NUP155: variants seen among roughly 807,000 people sequenced by gnomAD.
NUP155 encodes nuclear pore complex protein Nup155.
In NUP155, 71 loss-of-function variants were observed where a neutral mutation model predicts 180.4. The ratio of observed to expected loss-of-function variants is 0.39; its 90% CI spans 0.33 to 0.48. NUP155 has a LOEUF of 0.48. Ranked by LOEUF, NUP155 falls within the 20% of genes least tolerant of loss-of-function variation. The pLI is 0.91. For missense variants in NUP155, 1,553 were observed against 1,648.9 expected, an observed-to-expected ratio of 0.94 and a Z score of 1.01; for synonymous variants, 582 against 559.5, an observed-to-expected ratio of 1.04 and a Z score of -0.57.
chr5:37,352,447 A>G (rs1261600430), intron 5 of NUP155, among the ~76,000 whole-genome samples: 1 of 152,196 alleles, frequency 6.6e-6, no homozygotes, highest in Non-Finnish European at 1.5e-5. Context: ...CTGAAGCAGG[A>G]GAATCACTTG....
chr5:37,306,658 G>A (rs1743173312), intron 25 of NUP155, among the ~76,000 whole-genome samples: 1 of 151,720 alleles, frequency 6.6e-6, no homozygotes, highest in African/African-American at 2.4e-5. Context: ...GTAGAGACAG[G>A]GTTTCACTAT....
At chr5:37,355,179 CA>C (rs35058672) in intron 4 of NUP155, among the ~76,000 whole-genome samples, 2 of 151,868 alleles carry the variant, frequency 1.3e-5, no homozygotes, top group Non-Finnish European at 2.9e-5. Flanking sequence ...TTAGGCCTTG[CA>C]AAAAAGTAAT....
At chr5:37,337,985 T>C in intron 11 of NUP155, 67 bp from the exon 12 acceptor site, 1 of 1,025,012 alleles carries the variant, frequency 9.8e-7, no homozygotes, top group African/African-American at 1.6e-5. Context: ...ACCTTAATAA[T>C]TATTAGGTTA....
At chr5:37,318,166 AT>A in intron 20 of NUP155, 81 bp from the exon 21 acceptor site, 1 of 898,342 alleles carries the variant, frequency 1.1e-6, no homozygotes, top group Non-Finnish European at 1.9e-6. Flanking sequence ...CAAACATTTA[AT>A]ATGTTTACTT....
chr5:37,359,573 A>G (rs1417873754), intron 3 of NUP155, among the ~76,000 whole-genome samples: 3 of 152,170 alleles, frequency 2.0e-5, no homozygotes, highest in African/African-American at 7.2e-5. Context: ...TCCCCATATA[A>G]TAAAGATCTG....
At chr5:37,347,876 C>T (rs1315195994) in intron 9 of NUP155, among the ~76,000 whole-genome samples, 2 of 152,028 alleles carry the variant, frequency 1.3e-5, no homozygotes, top group Non-Finnish European at 2.9e-5. Context: ...GTGGCTCATG[C>T]CTGTAATCCC....
intron 32 of NUP155, among the ~76,000 whole-genome samples, chr5:37,297,580 A>G (rs774718613): frequency 1.3e-5 from 2 of 148,922 alleles, no homozygotes; most frequent in Non-Finnish European, 3.0e-5. Context: ...GGGTTTTGCC[A>G]TGTTGCCCAG....
At position 37,327,634 on chromosome 5, in the gene NUP155, G is replaced by T; in HGVS notation, c.2019C>A (p.Ile673=). The T allele has an allele frequency of 6.2e-7, 1 of 1,614,008 alleles. No homozygotes were observed. The highest frequency in any genetic ancestry group is 8.5e-7 in the Non-Finnish European group (1 of 1,179,958). Residue 673 remains isoleucine, a synonymous_variant, in exon 18 of 35, where the codon ATC becomes ATA. Coordinates refer to ENST00000231498, the MANE Select transcript of NUP155 (RefSeq NM_153485.3). ...HNGICIYFSR[I]MGNIWDASLV... Reference sequence around the variant, plus strand: ...TTATTTCATGACAAACTTACCCCATGATCCGAGAAAAGTAAATGCAAATAC... The same window carrying T: ...TTATTTCATGACAAACTTACCCCATTATCCGAGAAAAGTAAATGCAAATAC...
At chr5:37,315,995 T>C in intron 21 of NUP155, among the ~76,000 whole-genome samples, 1 of 152,162 alleles carries the variant, frequency 6.6e-6, no homozygotes. Context: ...TATGAAACAG[T>C]ATGGCAGTTC....
At chr5:37,327,421 T>C (rs533027556) in intron 18 of NUP155, among the ~76,000 whole-genome samples, 2 of 152,202 alleles carry the variant, frequency 1.3e-5, no homozygotes, top group East Asian at 3.9e-4. Flanking sequence ...CAAAAATAGA[T>C]TATGAGAGAG....
In NUP155 at chr5:37,291,030, CAACAT is replaced by C. The variant is rs1742209099; in HGVS notation, c.*865_*869del. 1 of 152,162 alleles carries C rather than the reference CAACAT, an allele frequency of 6.6e-6. No homozygotes were observed. The highest frequency in any genetic ancestry group is 2.4e-5 in the African/African-American group (1 of 41,422). 9.4% of individuals were successfully genotyped at this position (152,162 alleles called of 1,614,324 possible). ...CCTCCCTGTGTAGGTTTTCAGGACA[CAACAT>C]TAGTTACAAGTTTTATCACCTGCTC... is the stretch of plus-strand genomic sequence containing the variant. On this transcript the variant is annotated 3_prime_UTR_variant, in exon 35 of 35. Transcript: ENST00000231498.
At position 37,348,522 on chromosome 5, in the gene NUP155, A is replaced by G; in HGVS notation, c.978T>C (p.Ala326=). The change falls in exon 9 of 35, where the codon GCT becomes GCC. Residue 326 remains alanine (A), a synonymous_variant. Transcript: ENST00000231498. ...ASVSQNAIVS[A]AGNIARTIDR... ...CATGTTACCTAGCAATGTTACCAGC[A>G]GCAGAGACAATGGCATTCTGTGACA... The G allele has an allele frequency of 6.2e-7, 1 of 1,608,456 alleles. No homozygotes were observed. The highest frequency in any genetic ancestry group is 8.5e-7 in the Non-Finnish European group (1 of 1,174,878).
intron 9 of NUP155, among the ~76,000 whole-genome samples, chr5:37,345,349 A>G (rs903330536): frequency 1.3e-5 from 2 of 151,818 alleles, no homozygotes; most frequent in African/African-American, 2.4e-5. Flanking sequence ...TGTACCAAAA[A>G]TACAAAAAAT....
chr5:37,314,369 G>A, intron 21 of NUP155, 41 bp from the exon 22 acceptor site: 1 of 1,443,070 alleles, frequency 6.9e-7, no homozygotes, highest in African/African-American at 1.4e-5. Context: ...AATAACATAG[G>A]TTAAGTTGCT....
At chr5:37,335,519 T>A (rs1435893796) in intron 12 of NUP155, among the ~76,000 whole-genome samples, 1 of 152,174 alleles carries the variant, frequency 6.6e-6, no homozygotes, top group African/African-American at 2.4e-5. Context: ...GTTCGCCATA[T>A]CTGCATTCTC....
chr5:37,364,616 C>CA (rs1431140346), intron 1 of NUP155, among the ~76,000 whole-genome samples: 1 of 145,030 alleles, frequency 6.9e-6, no homozygotes, highest in African/African-American at 2.6e-5. Context: ...TGCTCTGTAA[C>CA]AAAGGAAATG....
chr5:37,369,856 A>C (rs11955258), intron 1 of NUP155, among the ~76,000 whole-genome samples: 8,323 of 152,286 alleles, frequency 0.055, 724 homozygotes, highest in African/African-American at 0.18. Context: ...CAAAGGGGTC[A>C]CTTTTTCTAG....
In NUP155 at chr5:37,354,393, C is replaced by T. The variant is rs188720589; in HGVS notation, c.464-1564G>A. ...TTCCTGACGTCAGTTGATCCACCCG[C>T]CCCAGCCTCCCAAAGTGCTGGGATT... is the stretch of plus-strand genomic sequence containing the variant. On this transcript the variant is annotated intron_variant, in intron 4 of 34. Coordinates refer to ENST00000231498, the MANE Select transcript of NUP155 (RefSeq NM_153485.3). Among the ~76,000 whole-genome samples, 101 of 152,060 alleles carry T rather than the reference C, an allele frequency of 6.6e-4. 2 individuals are homozygous for T. In the East Asian group the frequency reaches 0.016, roughly 24 times the overall value.
At position 37,365,738 on chromosome 5, in the gene NUP155, A is replaced by AAAAATATATAT; in HGVS notation, c.158-1355_158-1354insATATATATTTT. 5.4e-5 allele frequency among the ~76,000 whole-genome samples: 2 copies of AAAAATATATAT among 37,144 alleles called. 1 individual carries two copies. The highest frequency in any genetic ancestry group is 9.2e-5 in the Non-Finnish European group (2 of 21,834). 24.4% of individuals were successfully genotyped at this position (37,144 alleles called of 152,430 possible). ...GAAAAAAAAAAAAAAAAAAAAAAAAAATATATATATATATACACACACACA... is the reference window on the plus strand; with the variant it reads ...GAAAAAAAAAAAAAAAAAAAAAAAAAAAAATATATATATATATATATATATACACACACACA... On this transcript the variant is annotated intron_variant, in intron 1 of 34. Transcript: ENST00000231498.
Sources: allele counts gnomAD v4.1 joint callset (sites outside exome capture counted in the v4.1 genomes callset), GRCh38; gene constraint gnomAD v4.1.1; transcripts MANE v1.5; gene names NCBI Gene and HGNC (gene_info 2026-07-23, HGNC 2026-07-21).